The following SWT1 variants were observed in gnomAD, a reference collection of about 807,000 sequenced individuals.
SWT1 encodes the protein SWT1 RNA endoribonuclease homolog, also known as transcriptional protein SWT1.
A neutral mutation model predicts 107.3 loss-of-function variants in SWT1; 33 were observed. The ratio of observed to expected loss-of-function variants is 0.31; its 90% CI spans 0.23 to 0.41. The LOEUF (loss-of-function observed/expected upper bound fraction) is 0.41, where lower values mean the gene tolerates loss of function less well. SWT1 is among the 10% of genes least tolerant of loss of function. The pLI is 1.00. For synonymous variants in SWT1, 345 were observed against 348.3 expected (o/e 0.99, Z 0.11); for missense variants, 898 against 1,028.9 (o/e 0.87, Z 1.74).
intron 16 of SWT1, among the ~76,000 whole-genome samples, 173 bp downstream of exon 16, chr1:185,231,881 G>T (rs1186415201): frequency 1.3e-5 from 2 of 152,098 alleles, no homozygotes; most frequent in Non-Finnish European, 2.9e-5. Flanking sequence ...TCTAACCTTT[G>T]CAGTTTTATC....
intron 16 of SWT1, among the ~76,000 whole-genome samples, chr1:185,268,915 C>T (rs1000669303): frequency 1.4e-5 from 2 of 148,082 alleles, no homozygotes; most frequent in East Asian, 2.0e-4. Flanking sequence ...TGCAGTGGCG[C>T]GATCTCGCCT....
At chr1:185,228,319 G>C (rs1016908196) in intron 15 of SWT1, among the ~76,000 whole-genome samples, 5 of 151,578 alleles carry the variant, frequency 3.3e-5, no homozygotes, top group African/African-American at 1.2e-4. Flanking sequence ...TCAGGAGTTT[G>C]AGACCAGCCT....
chr1:185,235,798 A>G (rs1660829186), intron 16 of SWT1, among the ~76,000 whole-genome samples: 2 of 152,208 alleles, frequency 1.3e-5, no homozygotes, highest in African/African-American at 2.4e-5. Flanking sequence ...GTATATTTAG[A>G]AAACCCCATC....
intron 15 of SWT1, among the ~76,000 whole-genome samples, chr1:185,222,355 A>G (rs1659720980): frequency 6.6e-6 from 1 of 152,130 alleles, no homozygotes; most frequent in Non-Finnish European, 1.5e-5. Flanking sequence ...TTCATCCATT[A>G]TTGGACACTT....
chr1:185,184,367 G>T, intron 8 of SWT1, 23 bp downstream of exon 8: 1 of 1,342,866 alleles, frequency 7.4e-7, no homozygotes, highest in South Asian at 1.3e-5. Context: ...CATATTTAAA[G>T]ATTCTGATTT....
At chr1:185,271,507 A>T (rs1663865032) in intron 17 of SWT1, 118 bp downstream of exon 17, 2 of 597,432 alleles carry the variant, frequency 3.3e-6, no homozygotes, top group Non-Finnish European at 6.0e-6. Context: ...TATTTGCTTT[A>T]AATTATTGAA....
At chr1:185,204,654 T>C (rs758645348) in intron 11 of SWT1, 46 bp from the exon 12 acceptor site, 1 of 1,108,864 alleles carries the variant, frequency 9.0e-7, no homozygotes, top group Non-Finnish European at 1.3e-6. Context: ...TGTATAATAA[T>C]TACTGTTAGC....
intron 13 of SWT1, among the ~76,000 whole-genome samples, 196 bp downstream of exon 13, chr1:185,206,959 G>A (rs571402464): frequency 6.6e-6 from 1 of 152,290 alleles, no homozygotes; most frequent in South Asian, 2.1e-4. Flanking sequence ...TGTGGAAACT[G>A]GATGAATAGA....
At chr1:185,186,423 C>CA (rs1213088106) in intron 9 of SWT1, among the ~76,000 whole-genome samples, 11 of 151,548 alleles carry the variant, frequency 7.3e-5, no homozygotes, top group Non-Finnish European at 1.6e-4. Flanking sequence ...GAAATGTATC[C>CA]AAAAAAAGTG....
intron 18 of SWT1, among the ~76,000 whole-genome samples, chr1:185,289,990 T>G (rs1332486665): frequency 1.3e-5 from 2 of 152,036 alleles, no homozygotes; most frequent in Non-Finnish European, 2.9e-5. Context: ...TTTGGCTAGA[T>G]GCACTGGCTC....
intron 12 of SWT1, 120 bp downstream of exon 12, chr1:185,204,983 A>G (rs1028665094): frequency 2.6e-5 from 15 of 579,968 alleles, no homozygotes; most frequent in African/African-American, 2.6e-4. Context: ...ATCATGTTAC[A>G]TTTTTCTTCA....
chr1:185,259,182 A>C (rs1034558657), intron 16 of SWT1, among the ~76,000 whole-genome samples: 2 of 152,086 alleles, frequency 1.3e-5, no homozygotes, highest in Non-Finnish European at 2.9e-5. Context: ...TCCTCCTCAA[A>C]GTCAGCCAAT....
intron 18 of SWT1, among the ~76,000 whole-genome samples, chr1:185,279,510 G>T (rs1664481849): frequency 6.6e-6 from 1 of 151,966 alleles, no homozygotes; most frequent in Non-Finnish European, 1.5e-5. Context: ...ATTTTAAAGA[G>T]AAATCAAATA....
At chr1:185,188,935 T>C (rs904997874) in intron 9 of SWT1, among the ~76,000 whole-genome samples, 2 of 152,092 alleles carry the variant, frequency 1.3e-5, no homozygotes, top group South Asian at 2.1e-4. Flanking sequence ...GTGGGAAACA[T>C]TATCTTTGGT....
intron 7 of SWT1, among the ~76,000 whole-genome samples, chr1:185,182,699 A>G (rs552784912): frequency 6.1e-4 from 91 of 149,870 alleles, no homozygotes; most frequent in African/African-American, 2.2e-3. Flanking sequence ...AAAAGAAAGA[A>G]TGCAGATTGC....
chr1:185,231,724 A>T lies in SWT1; in HGVS notation c.2441+16A>T. The T allele has an allele frequency of 6.3e-7, 1 of 1,579,716 alleles. No homozygotes were observed. The highest frequency in any genetic ancestry group is 8.6e-7 in the Non-Finnish European group (1 of 1,156,870). On this transcript the variant is annotated intron_variant, in intron 16 of 18. Transcript: ENST00000367500. Reference sequence around the variant, plus strand: ...GAATTCAAAGGTAAACACTATATTAATTTTAAAGTGTTATTTACTTATTAC... The same window carrying T: ...GAATTCAAAGGTAAACACTATATTATTTTTAAAGTGTTATTTACTTATTAC...
chr1:185,207,131 C>T (rs891151594), intron 13 of SWT1, among the ~76,000 whole-genome samples: 1 of 152,166 alleles, frequency 6.6e-6, no homozygotes, highest in Non-Finnish European at 1.5e-5. Context: ...TCGTTTCTTA[C>T]AGTGTTTAAC....
At chr1:185,227,351 G>C (rs1660146233) in intron 15 of SWT1, 6 of 726,602 alleles carry the variant, frequency 8.3e-6, no homozygotes, top group South Asian at 8.1e-5. Flanking sequence ...CATAGATCTT[G>C]TCCATGCCAA....
intron 16 of SWT1, among the ~76,000 whole-genome samples, chr1:185,235,758 A>C (rs1660825244): frequency 6.6e-6 from 1 of 152,224 alleles, no homozygotes; most frequent in South Asian, 2.1e-4. Context: ...AGAAGAGGTC[A>C]AATTGTCTCC....
Sources: allele counts gnomAD v4.1 joint callset (sites outside exome capture counted in the v4.1 genomes callset), GRCh38; gene constraint gnomAD v4.1.1; transcripts MANE v1.5; gene names NCBI Gene and HGNC (gene_info 2026-07-23, HGNC 2026-07-21).